Variants in CSMD3 observed in about 807,000 individuals in gnomAD.
CSMD3 encodes CUB and sushi domain-containing protein 3.
A neutral mutation model predicts 435.2 loss-of-function variants in CSMD3; 177 were observed. That is an observed-to-expected ratio of 0.41 (90% CI 0.36 to 0.46). The LOEUF is 0.46. Among genes scored for constraint, CSMD3 ranks in the 20% least tolerant of loss-of-function variants. CSMD3 has a pLI of 0.34. For missense variants in CSMD3, 4,265 were observed against 4,504.6 expected (o/e 0.95, Z 1.52); for synonymous variants, 1,656 against 1,520.5 (o/e 1.09, Z -2.07).
intron 42 of CSMD3, among the ~76,000 whole-genome samples, chr8:112,341,002 A>G (rs1825051432): frequency 6.6e-6 from 1 of 152,144 alleles, no homozygotes. Flanking sequence ...GTCTAATATA[A>G]CATGATTATC....
chr8:112,252,307 T>A (rs1459401751), intron 63 of CSMD3, among the ~76,000 whole-genome samples: 1 of 151,888 alleles, frequency 6.6e-6, no homozygotes, highest in African/African-American at 2.4e-5. Flanking sequence ...GAGATGTAAA[T>A]AGAAATGATT....
chr8:112,289,701 T>C (rs1452160177), intron 56 of CSMD3, among the ~76,000 whole-genome samples, 163 bp from the exon 57 acceptor site: 1 of 151,942 alleles, frequency 6.6e-6, no homozygotes, highest in Non-Finnish European at 1.5e-5. Context: ...AAAAACAAAG[T>C]GGAGTTTGCA....
intron 13 of CSMD3, among the ~76,000 whole-genome samples, chr8:112,717,131 C>T (rs965969104): frequency 6.6e-5 from 10 of 151,572 alleles, no homozygotes; most frequent in African/African-American, 2.2e-4. Context: ...AGTGAACAGG[C>T]AACCTAAAAA....
At chr8:112,658,765 C>G (rs901522903) in intron 17 of CSMD3, among the ~76,000 whole-genome samples, 3 of 152,084 alleles carry the variant, frequency 2.0e-5, no homozygotes, top group Non-Finnish European at 4.4e-5. Context: ...TGAGACCAGC[C>G]TGGCCAACAT....
At chr8:113,365,143 T>C (rs1394162673) in intron 1 of CSMD3, among the ~76,000 whole-genome samples, 2 of 152,078 alleles carry the variant, frequency 1.3e-5, no homozygotes, top group East Asian at 3.9e-4. Flanking sequence ...CAAGAGTTTA[T>C]GACTTTTCAT....
chr8:113,020,479 A>G (rs991192949), intron 5 of CSMD3, among the ~76,000 whole-genome samples: 1 of 152,138 alleles, frequency 6.6e-6, no homozygotes, highest in Non-Finnish European at 1.5e-5. Flanking sequence ...CTGCTGTATT[A>G]TACTTCTACC....
intron 32 of CSMD3, among the ~76,000 whole-genome samples, chr8:112,462,276 T>C (rs1321072337): frequency 2.6e-5 from 4 of 152,204 alleles, no homozygotes; most frequent in African/African-American, 7.2e-5. Context: ...GCAGAACTTA[T>C]CACATTGGTA....
chr8:113,156,421 G>C (rs2091929605), intron 4 of CSMD3, among the ~76,000 whole-genome samples: 1 of 151,612 alleles, frequency 6.6e-6, no homozygotes, highest in Non-Finnish European at 1.5e-5. Context: ...TTCTTTACCA[G>C]ACTATTCTCT....
intron 11 of CSMD3, among the ~76,000 whole-genome samples, chr8:112,835,210 A>G (rs943482153): frequency 1.3e-5 from 2 of 151,906 alleles, no homozygotes; most frequent in Non-Finnish European, 2.9e-5. Flanking sequence ...GGCTCAATAC[A>G]TAGGTTTTTA....
At chr8:112,634,449 T>A (rs2074601382) in intron 22 of CSMD3, among the ~76,000 whole-genome samples, 1 of 151,994 alleles carries the variant, frequency 6.6e-6, no homozygotes, top group Admixed American at 6.6e-5. Context: ...GTGGAATTTA[T>A]TAAGGTCAAT....
rs57791699 is a variant in CSMD3, at chr8:112,995,225, T to C, written c.1031-19077A>G. Among the ~76,000 whole-genome samples the C allele has an allele frequency of 8.2e-3, 1,249 of 151,524 alleles. 30 individuals are homozygous for C. The highest frequency in any genetic ancestry group is 0.029 in the African/African-American group (1,183 of 41,438). The stretch of plus-strand genomic sequence containing the variant: ...TAAGAAAAAAATATGAAGATTGCAT[T>C]TGAGTGACATAGGCAACTGTGAGAA... On this transcript the variant is annotated intron_variant, in intron 6 of 70. Transcript: ENST00000297405.
intron 12 of CSMD3, among the ~76,000 whole-genome samples, chr8:112,805,845 G>GA (rs748158496): frequency 2.6e-5 from 4 of 152,190 alleles, no homozygotes; most frequent in East Asian, 3.9e-4. Flanking sequence ...ATCATTTACA[G>GA]AAAAAACTTA....
chr8:112,362,725 T>G (rs1827375308), intron 38 of CSMD3, among the ~76,000 whole-genome samples: 1 of 151,936 alleles, frequency 6.6e-6, no homozygotes, highest in Non-Finnish European at 1.5e-5. Flanking sequence ...TTGCAATAAA[T>G]GAAGGTCATC....
chr8:113,052,207 G>A (rs973193910), intron 5 of CSMD3, among the ~76,000 whole-genome samples: 2 of 152,132 alleles, frequency 1.3e-5, no homozygotes, highest in Non-Finnish European at 2.9e-5. Flanking sequence ...ATGTATCTGT[G>A]AATCTTTATT....
intron 31 of CSMD3, among the ~76,000 whole-genome samples, chr8:112,487,455 T>C (rs1256007584): frequency 1.3e-5 from 2 of 152,152 alleles, no homozygotes; most frequent in Admixed American, 6.6e-5. Flanking sequence ...ACTCAAAGAA[T>C]GTAGCAGAGG....
chr8:113,057,736 C>A (rs150342025), intron 5 of CSMD3, among the ~76,000 whole-genome samples: 3,455 of 151,788 alleles, frequency 0.023, 47 homozygotes, highest in Middle Eastern at 0.045. Flanking sequence ...GAAAAGCTTT[C>A]TTTTTTAAAA....
chr8:113,245,323 C>A (rs963207337), intron 3 of CSMD3, among the ~76,000 whole-genome samples: 17 of 151,822 alleles, frequency 1.1e-4, no homozygotes, highest in African/African-American at 4.1e-4. Flanking sequence ...TGTTTTAAAT[C>A]ATTTTGTTCC....
chr8:112,531,835 C>T (rs1301097723), intron 27 of CSMD3, among the ~76,000 whole-genome samples: 2 of 151,920 alleles, frequency 1.3e-5, no homozygotes, highest in African/African-American at 4.8e-5. Flanking sequence ...GTCCACAAGC[C>T]TCAAGAACAT....
chr8:113,333,577 T>A (rs1311949762), intron 1 of CSMD3, among the ~76,000 whole-genome samples: 1 of 151,832 alleles, frequency 6.6e-6, no homozygotes, highest in African/African-American at 2.4e-5. Context: ...TCAAAATTAG[T>A]TTGGCATACT....
Sources: gnomAD v4.1 joint callset for allele counts (sites outside exome capture counted in the v4.1 genomes callset) on GRCh38, gnomAD v4.1.1 for gene constraint, MANE v1.5 for transcripts, NCBI Gene and HGNC (gene_info 2026-07-23, HGNC 2026-07-21) for gene names.